PSORS1C1: variants seen among roughly 807,000 people sequenced by gnomAD.
PSORS1C1 encodes psoriasis susceptibility 1 candidate gene 1 protein.
Under a neutral mutation model 9.4 loss-of-function variants are expected in PSORS1C1, and 7 were observed. That is an observed-to-expected ratio of 0.75 (90% confidence interval 0.42 to 1.40). The LOEUF is 1.40. PSORS1C1 is among the 40% of genes most tolerant of loss of function. The pLI is 0.01. For synonymous variants in PSORS1C1, 63 were observed against 69.4 expected (o/e 0.91, Z 0.46); for missense variants, 146 against 178.1 (o/e 0.82, Z 1.02).
intron 1 of PSORS1C1, among the ~76,000 whole-genome samples, chr6:31,125,474 A>G (rs1189611608): frequency 6.6e-6 from 1 of 152,000 alleles, no homozygotes; most frequent in Non-Finnish European, 1.5e-5. Flanking sequence ...CACACTCTTC[A>G]CCTGGTTCCT....
At chr6:31,117,142 C>T (rs1289456097) in intron 1 of PSORS1C1, 1 of 1,610,202 alleles carries the variant, frequency 6.2e-7, no homozygotes, top group African/African-American at 1.4e-5. Context: ...AAAGCTGCTG[C>T]TGCTGCTCGA....
chr6:31,126,976 T>C (rs2150967434), intron 2 of PSORS1C1, among the ~76,000 whole-genome samples: 1 of 152,262 alleles, frequency 6.6e-6, no homozygotes, highest in African/African-American at 2.4e-5. Flanking sequence ...CCCCTCTCTG[T>C]CCTGCGGAGT....
intron 1 of PSORS1C1, chr6:31,116,205 G>A: frequency 6.2e-7 from 1 of 1,613,738 alleles, no homozygotes; most frequent in Non-Finnish European, 8.5e-7. Context: ...AGCCATCGGG[G>A]CCCCCAGTCA....
Position 31,116,099 on chromosome 6 carries a change from C to T in PSORS1C1, c.-229+1208C>T, listed in dbSNP as rs140801967. 4.1e-5 allele frequency: 66 copies of T among 1,611,934 alleles called. No individual in the cohort carries two copies. In the African/African-American group the frequency reaches 6.9e-4, roughly 17 times the overall value. ...GCTAGCTGGGGCCCCAGAGGCTTCA[C>T]TTGGGCTAGGATATCCCGGATGGAG... On this transcript the variant is annotated intron_variant, in intron 1 of 5. Transcript: ENST00000259881.
intron 1 of PSORS1C1, among the ~76,000 whole-genome samples, chr6:31,119,727 G>A (rs1772361038): frequency 6.7e-6 from 1 of 148,788 alleles, no homozygotes; most frequent in African/African-American, 2.5e-5. Context: ...GTGAAACCCT[G>A]TTTCTACTAA....
At chr6:31,135,096 A>G (rs544030834) in intron 3 of PSORS1C1, among the ~76,000 whole-genome samples, 1 of 152,258 alleles carries the variant, frequency 6.6e-6, no homozygotes, top group East Asian at 1.9e-4. Flanking sequence ...TATTACAGGC[A>G]TGAGCCACCT....
At chr6:31,138,155 G>T in intron 3 of PSORS1C1, 1 of 1,602,352 alleles carries the variant, frequency 6.2e-7, no homozygotes, top group South Asian at 1.1e-5. Flanking sequence ...AGGGACGACT[G>T]GGGCGGGTAG....
At chr6:31,119,167 A>G (rs1486247311) in intron 1 of PSORS1C1, among the ~76,000 whole-genome samples, 1 of 152,052 alleles carries the variant, frequency 6.6e-6, no homozygotes, top group Non-Finnish European at 1.5e-5. Flanking sequence ...AGTGTAAAGC[A>G]TTATATATTA....
intron 1 of PSORS1C1, chr6:31,117,326 T>C: frequency 6.3e-7 from 1 of 1,581,476 alleles, no homozygotes; most frequent in Non-Finnish European, 8.6e-7. Flanking sequence ...CCCTGGGCAA[T>C]GCTGGATCCG....
chr6:31,122,585 G>A (rs1772510647), intron 1 of PSORS1C1, among the ~76,000 whole-genome samples: 1 of 151,764 alleles, frequency 6.6e-6, no homozygotes, highest in South Asian at 2.1e-4. Context: ...AGATCAGCCT[G>A]GCCAACATGG....
In PSORS1C1 at chr6:31,126,549, C is replaced by T. The variant is rs371979957; in HGVS notation, c.-65+710C>T. Among the ~76,000 whole-genome samples, 94 of 152,220 alleles carry T rather than the reference C, an allele frequency of 6.2e-4. No individual in the cohort carries two copies. In the East Asian group the frequency reaches 8.1e-3, roughly 13 times the overall value. ...TGGCTCCTGGTCCAATGGCTCTCTC[C>T]TCTATGGAATGGCCTCCTGGAGCTT... On this transcript the variant is annotated intron_variant, in intron 2 of 5. Transcript: ENST00000259881.
intron 1 of PSORS1C1, chr6:31,118,600 C>G (rs3130989): frequency 0.35 from 52,851 of 152,120 alleles, 9,616 homozygotes; most frequent in South Asian, 0.54. Context: ...TTCCTTTGCT[C>G]AAAACCCCAG....
At chr6:31,135,392 G>A (rs1486232060) in intron 3 of PSORS1C1, among the ~76,000 whole-genome samples, 1 of 151,956 alleles carries the variant, frequency 6.6e-6, no homozygotes, top group Non-Finnish European at 1.5e-5. Context: ...TAAGTTTTTT[G>A]TATTTTTAGT....
At chr6:31,124,035 C>T (rs760807705) in intron 1 of PSORS1C1, among the ~76,000 whole-genome samples, 8 of 152,128 alleles carry the variant, frequency 5.3e-5, no homozygotes, top group Non-Finnish European at 1.0e-4. Context: ...TGGTGTGGGA[C>T]ATGCATGTGG....
chr6:31,120,464 C>A, intron 1 of PSORS1C1: 2 of 1,472,960 alleles, frequency 1.4e-6, no homozygotes, highest in Non-Finnish European at 1.9e-6. Context: ...CAAGGACACC[C>A]GGGTCCTTTA....
At chr6:31,124,395 C>T (rs1421589212) in intron 1 of PSORS1C1, among the ~76,000 whole-genome samples, 1 of 152,172 alleles carries the variant, frequency 6.6e-6, no homozygotes. Flanking sequence ...TTCACAACAG[C>T]CCTACAGGGT....
intron 1 of PSORS1C1, chr6:31,116,685 G>A (rs766147546): frequency 6.2e-7 from 1 of 1,612,732 alleles, no homozygotes; most frequent in East Asian, 2.2e-5. Flanking sequence ...TGTAGGTCAT[G>A]CCTGGAACCA....
At chr6:31,137,580 T>C (rs1581870172) in intron 3 of PSORS1C1, 1 of 269,356 alleles carries the variant, frequency 3.7e-6, no homozygotes, top group Non-Finnish European at 6.8e-6. Context: ...AAGCAGCAGC[T>C]GTCTACTGAT....
chr6:31,130,876 T>A (rs1772882404), intron 3 of PSORS1C1, among the ~76,000 whole-genome samples: 1 of 151,678 alleles, frequency 6.6e-6, no homozygotes, highest in Non-Finnish European at 1.5e-5. Context: ...TTTTTTTTTT[T>A]AGAGATGGGG....
Sources: allele counts gnomAD v4.1 joint callset (sites outside exome capture counted in the v4.1 genomes callset), GRCh38; gene constraint gnomAD v4.1.1; transcripts MANE v1.5; gene names NCBI Gene and HGNC (gene_info 2026-07-23, HGNC 2026-07-21).